The following CACHD1 variants were observed in gnomAD, a reference collection of about 807,000 sequenced individuals.
The protein encoded by CACHD1 is cache domain containing 1.
CACHD1 carries 71 observed loss-of-function variants against 138.7 expected under a neutral mutation model. The ratio of observed to expected loss-of-function variants is 0.51; its 90% CI spans 0.42 to 0.62. The LOEUF is 0.62. Ranked by LOEUF, CACHD1 falls within the 20% of genes least tolerant of loss-of-function variation. The pLI, the probability that CACHD1 is intolerant of heterozygous loss-of-function variation, is 0.00. For synonymous variants in CACHD1, 578 were observed against 591.5 expected (o/e 0.98, Z 0.33); for missense variants, 1,389 against 1,625.3 (o/e 0.85, Z 2.50).
chr1:64,686,953 C>T (rs923455218), intron 26 of CACHD1, among the ~76,000 whole-genome samples: 1 of 152,092 alleles, frequency 6.6e-6, no homozygotes, highest in East Asian at 1.9e-4. Flanking sequence ...CCCAGAGGGA[C>T]GTCACACCCC....
intron 1 of CACHD1, among the ~76,000 whole-genome samples, chr1:64,500,535 AAGTTCAT>A (rs1354465939): frequency 3.3e-5 from 5 of 152,122 alleles, no homozygotes; most frequent in African/African-American, 1.2e-4. Context: ...TCCAGTATTT[AAGTTCAT>A]ACACAAATTA....
chr1:64,683,305 CT>C (rs1447136143), intron 26 of CACHD1, among the ~76,000 whole-genome samples: 1 of 152,128 alleles, frequency 6.6e-6, no homozygotes, highest in Non-Finnish European at 1.5e-5. Context: ...GACTTTTTTG[CT>C]TTTTTCTCTA....
intron 10 of CACHD1, 67 bp from the exon 11 acceptor site, chr1:64,653,691 A>C: frequency 1.9e-6 from 3 of 1,557,916 alleles, no homozygotes; most frequent in Admixed American, 1.7e-5. Flanking sequence ...CCCATATTTC[A>C]AAACAGTGAT....
intron 1 of CACHD1, among the ~76,000 whole-genome samples, chr1:64,493,777 C>T (rs1646291716): frequency 6.6e-6 from 1 of 152,196 alleles, no homozygotes; most frequent in Non-Finnish European, 1.5e-5. Flanking sequence ...CTTTTCTCCT[C>T]CCTGCAGTGG....
chr1:64,513,669 AG>A (rs1646438094), intron 1 of CACHD1, among the ~76,000 whole-genome samples: 1 of 152,024 alleles, frequency 6.6e-6, no homozygotes, highest in Non-Finnish European at 1.5e-5. Flanking sequence ...CTTACTTTCT[AG>A]TTTTTTAATG....
At chr1:64,483,477 T>C (rs1209672112) in intron 1 of CACHD1, among the ~76,000 whole-genome samples, 1 of 152,058 alleles carries the variant, frequency 6.6e-6, no homozygotes, top group Non-Finnish European at 1.5e-5. Flanking sequence ...ATTAAACAAA[T>C]AATCTTATAA....
At chr1:64,576,903 G>GTTTTTTTTTTTTTT (rs201315669) in intron 2 of CACHD1, among the ~76,000 whole-genome samples, 1 of 147,854 alleles carries the variant, frequency 6.8e-6, no homozygotes. Context: ...GGGTTTGTTT[G>GTTTTTTTTTTTTTT]TTTGTTTTTT....
intron 8 of CACHD1, 120 bp from the exon 9 acceptor site, chr1:64,647,669 ATGTGGTCTCTGC>A: frequency 1.5e-6 from 1 of 678,122 alleles, no homozygotes. Flanking sequence ...TCCAGAGTCT[ATGTGGTCTCTGC>A]AAAAACCCCT....
chr1:64,622,601 A>G (rs1647954677), intron 4 of CACHD1, among the ~76,000 whole-genome samples: 1 of 152,202 alleles, frequency 6.6e-6, no homozygotes, highest in African/African-American at 2.4e-5. Flanking sequence ...TAAGTTTTTT[A>G]TCTGTTGATT....
At chr1:64,629,600 A>C in intron 5 of CACHD1, 119 bp downstream of exon 5, 1 of 1,218,382 alleles carries the variant, frequency 8.2e-7, no homozygotes, top group Non-Finnish European at 1.1e-6. Context: ...AGAAATTTGT[A>C]CTTGTTCTGA....
At chr1:64,488,111 T>A (rs1646253961) in intron 1 of CACHD1, among the ~76,000 whole-genome samples, 1 of 152,204 alleles carries the variant, frequency 6.6e-6, no homozygotes, top group African/African-American at 2.4e-5. Context: ...TACTTTTGGA[T>A]GTGGTTTTTA....
chr1:64,565,727 C>G (rs1242001038), intron 2 of CACHD1, among the ~76,000 whole-genome samples: 1 of 152,116 alleles, frequency 6.6e-6, no homozygotes, highest in Non-Finnish European at 1.5e-5. Context: ...CTTTGTGCTT[C>G]TACACATATT....
At chr1:64,487,141 C>G (rs1646247413) in intron 1 of CACHD1, among the ~76,000 whole-genome samples, 1 of 152,100 alleles carries the variant, frequency 6.6e-6, no homozygotes. Context: ...TTTGTTCTGG[C>G]TGAAATGGGA....
At chr1:64,623,524 T>C (rs1647990467) in intron 4 of CACHD1, among the ~76,000 whole-genome samples, 1 of 152,106 alleles carries the variant, frequency 6.6e-6, no homozygotes, top group South Asian at 2.1e-4. Context: ...AGAGAATGTG[T>C]GCCTCAATGT....
chr1:64,651,130 T>A (rs1485229863), intron 9 of CACHD1, among the ~76,000 whole-genome samples: 1 of 152,100 alleles, frequency 6.6e-6, no homozygotes, highest in Non-Finnish European at 1.5e-5. Context: ...CTAAGTACGG[T>A]CTTTATATTT....
chr1:64,470,648 A>C lies in CACHD1; in HGVS notation c.-97A>C. The stretch of plus-strand genomic sequence containing the variant: ...GAGCAGAGCCTGCAACAGAGGAAGA[A>C]ACTTTTGCGGGGTGCGCCGCGCTTT... On this transcript the variant is annotated 5_prime_UTR_variant, in exon 1 of 27. Coordinates refer to ENST00000651257, the MANE Select transcript of CACHD1 (RefSeq NM_020925.4). The surrounding 1 kb of genome is among the most constrained non-coding windows in gnomAD (Gnocchi z 5.2). 2.3e-6 allele frequency: 1 copy of C among 442,356 alleles called. No homozygotes were observed. Among genetic ancestry groups the C allele is most frequent in the South Asian group, 4.5e-5 (1 of 22,318 alleles). 27.4% of individuals were successfully genotyped at this position (442,356 alleles called of 1,614,324 possible).
intron 26 of CACHD1, among the ~76,000 whole-genome samples, chr1:64,682,979 A>G (rs144782774): frequency 5.1e-4 from 78 of 152,128 alleles, no homozygotes; most frequent in African/African-American, 1.8e-3. Flanking sequence ...TTTTAAATAC[A>G]TAAATAGTGT....
At chr1:64,676,178 A>G (rs528886028) in intron 21 of CACHD1, among the ~76,000 whole-genome samples, 195 bp downstream of exon 21, 10 of 152,172 alleles carry the variant, frequency 6.6e-5, no homozygotes, top group Admixed American at 6.5e-4. Flanking sequence ...GCCTGTTTCA[A>G]GGTTTAAATT....
chr1:64,659,447 C>G (rs1210588613), intron 13 of CACHD1, among the ~76,000 whole-genome samples: 1 of 152,120 alleles, frequency 6.6e-6, no homozygotes, highest in Non-Finnish European at 1.5e-5. Context: ...AGCATATCAG[C>G]AGTAATCTAC....
Sources: gnomAD v4.1 joint callset for allele counts (sites outside exome capture counted in the v4.1 genomes callset) on GRCh38, gnomAD v4.1.1 for gene constraint, Gnocchi (gnomAD v3.1) non-coding constraint, MANE v1.5 for transcripts, NCBI Gene and HGNC (gene_info 2026-07-23, HGNC 2026-07-21) for gene names.